Variants in CNKSR2 observed in about 807,000 individuals in gnomAD.
CNKSR2 encodes the protein connector enhancer of kinase suppressor of Ras 2.
Under a neutral mutation model 84.4 loss-of-function variants are expected in CNKSR2, and 14 were observed. The ratio of observed to expected loss-of-function variants is 0.17; its 90% CI spans 0.11 to 0.26. The LOEUF is 0.26. Ranked by LOEUF, CNKSR2 falls within the 10% of genes least tolerant of loss-of-function variation. The probability of loss-of-function intolerance (pLI) is 1.00; values close to 1 mark genes in which losing one functional copy is unlikely to be tolerated. For missense variants in CNKSR2, 485 were observed against 771.2 expected (o/e 0.63, Z 4.40); for synonymous variants, 275 against 277.9 (o/e 0.99, Z 0.10).
At chrX:21,499,175 A>G (rs1305193927) in intron 7 of CNKSR2, among the ~76,000 whole-genome samples, 2 of 112,011 alleles carry the variant, frequency 1.8e-5, no homozygotes, top group African/African-American at 6.5e-5. Flanking sequence ...TACAAACTAT[A>G]TGCTTGTCAT....
chrX:21,647,378 T>C (rs1399013062), intron 20 of CNKSR2, among the ~76,000 whole-genome samples: 1 of 112,142 alleles, frequency 8.9e-6, no homozygotes, highest in African/African-American at 3.2e-5. Flanking sequence ...GTTAAGGTAC[T>C]GTACATTTTG....
intron 5 of CNKSR2, among the ~76,000 whole-genome samples, chrX:21,486,149 A>C (rs1482024673): frequency 3.6e-5 from 4 of 111,937 alleles, no homozygotes; most frequent in Non-Finnish European, 7.5e-5. Flanking sequence ...ATAAAATAAA[A>C]TAATTTGATA....
intron 13 of CNKSR2, among the ~76,000 whole-genome samples, chrX:21,580,810 C>A (rs1452864652): frequency 9.0e-6 from 1 of 111,418 alleles, no homozygotes; most frequent in African/African-American, 3.3e-5. Context: ...AAATCTGGTC[C>A]TCTCCATTTT....
intron 1 of CNKSR2, among the ~76,000 whole-genome samples, chrX:21,421,299 T>G (rs2090492805): frequency 9.1e-6 from 1 of 110,060 alleles, no homozygotes; most frequent in Non-Finnish European, 1.9e-5. Context: ...TTTTTTTTTT[T>G]TTTTTTTAAG....
At chrX:21,560,240 C>A (rs766421785) in intron 11 of CNKSR2, among the ~76,000 whole-genome samples, 1 of 110,893 alleles carries the variant, frequency 9.0e-6, no homozygotes, top group South Asian at 3.8e-4. Flanking sequence ...AAGCATATGA[C>A]GACAGGAATG....
chrX:21,654,342 T>C lies in CNKSR2; in HGVS notation c.*1821T>C, dbSNP rs183500282. 1 of 106,522 alleles carries C rather than the reference T, an allele frequency of 9.4e-6. No homozygotes were observed. The highest frequency in any genetic ancestry group is 1.9e-5 in the Non-Finnish European group (1 of 51,878). 8.8% of individuals were successfully genotyped at this position (106,522 alleles called of 1,213,427 possible). On this transcript the variant is annotated 3_prime_UTR_variant, in exon 22 of 22. Transcript: ENST00000379510. ...TGAAGTGTGCTTGTTAACAGGTGTT[T>C]AGACTTATTGATGTTTACTAGACCA...
rs1472205186 is a variant in CNKSR2, at chrX:21,652,196, C to T, written c.2890-110C>T. The T allele has an allele frequency of 1.7e-5, 10 of 587,376 alleles. No individual in the cohort carries two copies. In the Admixed American group the frequency reaches 3.5e-4, roughly 21 times the overall value. 48.4% of individuals were successfully genotyped at this position (587,376 alleles called of 1,213,427 possible). ...TAAAGAGCTGGGTGGGTGTGAGTAT[C>T]CAAAGCCATCTCCTATGGGCTTCTT... On this transcript the variant is annotated intron_variant, in intron 21 of 21. Coordinates refer to ENST00000379510, the MANE Select transcript of CNKSR2 (RefSeq NM_014927.5).
chrX:21,410,151 G>C (rs1302796680), intron 1 of CNKSR2, among the ~76,000 whole-genome samples: 1 of 108,549 alleles, frequency 9.2e-6, no homozygotes, highest in East Asian at 2.9e-4. Flanking sequence ...GACAAGTGTT[G>C]CTCTAGTAAT....
intron 20 of CNKSR2, among the ~76,000 whole-genome samples, chrX:21,612,340 G>A (rs966344106): frequency 3.6e-5 from 4 of 111,912 alleles, no homozygotes; most frequent in Admixed American, 9.5e-5. Context: ...AACACAGAGC[G>A]CTTACTGTGC....
chrX:21,457,530 G>A (rs1206769364), intron 4 of CNKSR2, among the ~76,000 whole-genome samples: 4 of 111,597 alleles, frequency 3.6e-5, no homozygotes, highest in East Asian at 2.8e-4. Flanking sequence ...TAGGTAAGAC[G>A]CATTGATATT....
intron 8 of CNKSR2, among the ~76,000 whole-genome samples, chrX:21,509,207 A>T (rs1311076765): frequency 2.7e-5 from 3 of 112,249 alleles, no homozygotes; most frequent in African/African-American, 9.7e-5. Context: ...GCAGCTCAAC[A>T]TGGTCTAAGT....
At chrX:21,595,258 G>A (rs921120713) in intron 16 of CNKSR2, 66 bp from the exon 17 acceptor site, 31 of 873,521 alleles carry the variant, frequency 3.5e-5, no homozygotes, top group African/African-American at 1.8e-4. Flanking sequence ...AATTTTGCCC[G>A]TCAGAATTAT....
chrX:21,401,490 A>C (rs1303923038), intron 1 of CNKSR2, among the ~76,000 whole-genome samples: 1 of 111,313 alleles, frequency 9.0e-6, no homozygotes, highest in Non-Finnish European at 1.9e-5. Flanking sequence ...GTGGCACATC[A>C]TTTTTCAATG....
chrX:21,477,332 T>C (rs2091270432), intron 5 of CNKSR2, among the ~76,000 whole-genome samples: 1 of 112,015 alleles, frequency 8.9e-6, no homozygotes, highest in African/African-American at 3.2e-5. Context: ...TATTTTAGTG[T>C]TAATATTATC....
chrX:21,377,937 A>G (rs1367861543), intron 1 of CNKSR2, among the ~76,000 whole-genome samples: 1 of 111,888 alleles, frequency 8.9e-6, no homozygotes, highest in Admixed American at 9.5e-5. Context: ...ATCAATTTTT[A>G]TTAAAATATT....
At chrX:21,462,600 T>A (rs945509468) in intron 4 of CNKSR2, among the ~76,000 whole-genome samples, 2 of 111,717 alleles carry the variant, frequency 1.8e-5, no homozygotes, top group African/African-American at 6.5e-5. Flanking sequence ...GTGGGCATCC[T>A]TGTGTTCTAG....
intron 5 of CNKSR2, among the ~76,000 whole-genome samples, chrX:21,490,074 T>G (rs963303098): frequency 1.8e-5 from 2 of 111,666 alleles, no homozygotes; most frequent in Non-Finnish European, 3.8e-5. Context: ...TTTTTTTAAC[T>G]TTTCTGACCA....
At chrX:21,455,167 T>C (rs2090981720) in intron 4 of CNKSR2, among the ~76,000 whole-genome samples, 1 of 111,706 alleles carries the variant, frequency 9.0e-6, no homozygotes, top group Non-Finnish European at 1.9e-5. Context: ...AATCTTAGTA[T>C]TTTTCTCTCT....
chrX:21,444,301 T>C (rs2147091984), intron 4 of CNKSR2, among the ~76,000 whole-genome samples: 1 of 111,668 alleles, frequency 9.0e-6, no homozygotes, highest in African/African-American at 3.2e-5. Context: ...TATATTTTAC[T>C]TAATTACATT....
Sources: allele counts gnomAD v4.1 joint callset (sites outside exome capture counted in the v4.1 genomes callset), GRCh38; gene constraint gnomAD v4.1.1; transcripts MANE v1.5; gene names NCBI Gene and HGNC (gene_info 2026-07-23, HGNC 2026-07-21).